The following SLC22A9 variants were observed in gnomAD, a reference collection of about 807,000 sequenced individuals.
SLC22A9 encodes solute carrier family 22 member 9.
SLC22A9 carries 64 observed loss-of-function variants against 50.1 expected under a neutral mutation model. That is an observed-to-expected ratio of 1.28 (90% CI 1.04 to 1.57). The LOEUF is 1.57. Among genes scored for constraint, SLC22A9 ranks in the 40% most tolerant of loss-of-function variants. The probability of loss-of-function intolerance (pLI) is 0.00; values close to 1 mark genes in which losing one functional copy is unlikely to be tolerated. For missense variants in SLC22A9, 757 were observed against 676.1 expected (o/e 1.12, Z -1.33); for synonymous variants, 261 against 242.5 (o/e 1.08, Z -0.71).
At position 63,382,243 on chromosome 11, in the gene SLC22A9, A is replaced by G. The variant is rs1420789266; in HGVS notation, c.1039A>G (p.Ile347Val). The stretch of plus-strand genomic sequence containing the variant: ...GTGTGAAATGCTCCACATGCCCAAC[A>G]TATGTAAAAGGATCTCCCTCCTGTC... The part of the protein sequence containing the change: ...SLCEMLHMPN[I>V]CKRISLLSFT... The change falls in exon 6 of 10, where the codon ATA becomes GTA. Residue 347 changes from isoleucine (I) to valine (V), a missense_variant. By Grantham distance (29) the Ile-to-Val change is conservative. Coordinates refer to ENST00000279178, the MANE Select transcript of SLC22A9 (RefSeq NM_080866.3). 6.2e-7 allele frequency: 1 copy of G among 1,609,362 alleles called. No homozygotes were observed. The highest frequency in any genetic ancestry group is 8.5e-7 in the Non-Finnish European group (1 of 1,178,662).
At chr11:63,381,000 T>C (rs1158157404) in intron 5 of SLC22A9, among the ~76,000 whole-genome samples, 3 of 152,266 alleles carry the variant, frequency 2.0e-5, no homozygotes, top group South Asian at 2.1e-4. Flanking sequence ...CAATTGAAGC[T>C]TGGTATGGAA....
At chr11:63,390,289 T>G (rs1268684212) in intron 6 of SLC22A9, among the ~76,000 whole-genome samples, 1 of 152,192 alleles carries the variant, frequency 6.6e-6, no homozygotes, top group Admixed American at 6.5e-5. Context: ...GGTTTTCTTC[T>G]AGGGTTTTTA....
rs111648002 is a variant in SLC22A9 at position 63,382,396 on chromosome 11, G to C, written c.1073+119G>C. The stretch of plus-strand genomic sequence containing the variant: ...TTTGCACATAAAAGATGAGAAAGCC[G>C]TAAAGAGAATTGCTGTGTTTGAATG... On this transcript the variant is annotated intron_variant, in intron 6 of 9. Coordinates refer to ENST00000279178, the MANE Select transcript of SLC22A9 (RefSeq NM_080866.3). 7.0e-4 allele frequency: 487 copies of C among 697,034 alleles called. 3 individuals carry two copies. Among genetic ancestry groups the C allele is most frequent in the African/African-American group, 5.5e-3 (307 of 55,778 alleles). The allele number at this position is 697,034 out of a possible 1,614,324, so 43.2% of individuals were successfully genotyped here.
intron 6 of SLC22A9, among the ~76,000 whole-genome samples, chr11:63,383,432 T>A (rs1295886272): frequency 3.9e-5 from 6 of 152,090 alleles, no homozygotes; most frequent in Non-Finnish European, 7.4e-5. Flanking sequence ...AACCAGTAGA[T>A]CTCTCTGATC....
At chr11:63,408,931 T>G in intron 9 of SLC22A9, 52 bp downstream of exon 9, 6 of 1,593,060 alleles carry the variant, frequency 3.8e-6, no homozygotes, top group Non-Finnish European at 5.2e-6. Context: ...TATAGGTCTG[T>G]GCTGAGGAAG....
Position 63,409,928 on chromosome 11 carries a change from A to T in SLC22A9, c.*66A>T. The T allele has an allele frequency of 1.3e-6, 2 of 1,557,244 alleles. No individual in the cohort carries two copies. The highest frequency in any genetic ancestry group is 1.1e-5 in the South Asian group (1 of 89,374). On this transcript the variant is annotated 3_prime_UTR_variant, in exon 10 of 10. Transcript: ENST00000279178. ...AGGGAACAATCAGGACTATTCCTAG[A>T]CACTAGCAAAATCTAGAAAATAAAT... is the stretch of plus-strand genomic sequence containing the variant.
At chr11:63,389,500 A>G (rs1377101268) in intron 6 of SLC22A9, among the ~76,000 whole-genome samples, 1 of 152,188 alleles carries the variant, frequency 6.6e-6, no homozygotes, top group Non-Finnish European at 1.5e-5. Flanking sequence ...GTCCCTGCAA[A>G]GAACATGAAC....
chr11:63,372,394 C>T (rs2014378134), intron 2 of SLC22A9, among the ~76,000 whole-genome samples: 1 of 151,936 alleles, frequency 6.6e-6, no homozygotes, highest in African/African-American at 2.4e-5. Context: ...ATTTTTACAG[C>T]AAAGGGAATG....
chr11:63,407,211 C>T (rs1226800296), intron 7 of SLC22A9, among the ~76,000 whole-genome samples: 1 of 152,142 alleles, frequency 6.6e-6, no homozygotes, highest in Non-Finnish European at 1.5e-5. Context: ...GGGGAGTCAT[C>T]TTGACTTCAA....
At position 63,370,202 on chromosome 11, in the gene SLC22A9, G is replaced by A. The variant is rs957504974; in HGVS notation, c.146G>A (p.Cys49Tyr). The change falls in exon 1 of 10, where the codon TGC becomes TAC. Residue 49 changes from cysteine (C) to tyrosine (Y), a missense_variant. By Grantham distance (194) the Cys-to-Tyr change is radical. Coordinates refer to ENST00000279178, the MANE Select transcript of SLC22A9 (RefSeq NM_080866.3). ...ACTGCATTCATACCTGGCCATCGCT[G>A]CTGGGTCCACATCCTGGACAATGAC... ...NFTAFIPGHR[C>Y]WVHILDNDTV... 1 of 1,614,018 alleles carries A rather than the reference G, an allele frequency of 6.2e-7. No individual in the cohort carries two copies. The highest frequency in any genetic ancestry group is 1.1e-5 in the South Asian group (1 of 91,074).
intron 6 of SLC22A9, among the ~76,000 whole-genome samples, chr11:63,401,411 A>G (rs2014950391): frequency 6.6e-6 from 1 of 152,058 alleles, no homozygotes; most frequent in East Asian, 1.9e-4. Flanking sequence ...ATTCGTTACA[A>G]AAAGTAAAAT....
Position 63,371,913 on chromosome 11 carries a change from C to T in SLC22A9, c.506+675C>T, listed in dbSNP as rs557737975. On this transcript the variant is annotated intron_variant, in intron 2 of 9. Transcript: ENST00000279178. ...CACCCAACCATGTCTCCCCTGATGGCGATGAGGGACTTGAAGTGCCACTTG... is the reference window on the plus strand; with the variant it reads ...CACCCAACCATGTCTCCCCTGATGGTGATGAGGGACTTGAAGTGCCACTTG... 4.6e-5 allele frequency among the ~76,000 whole-genome samples: 7 copies of T among 152,260 alleles called. No homozygotes were observed. The South Asian group carries it at 1.2e-3, about 27-fold the overall frequency.
At chr11:63,395,394 T>C (rs1565187599) in intron 6 of SLC22A9, among the ~76,000 whole-genome samples, 1 of 152,082 alleles carries the variant, frequency 6.6e-6, no homozygotes, top group Admixed American at 6.6e-5. Context: ...GTTGTTCAGG[T>C]TATTTTGTCC....
intron 6 of SLC22A9, among the ~76,000 whole-genome samples, chr11:63,399,329 C>T (rs1181875054): frequency 1.3e-5 from 2 of 152,070 alleles, no homozygotes; most frequent in Admixed American, 6.6e-5. Flanking sequence ...TAAAATTACA[C>T]CTGCACTAGA....
At chr11:63,400,264 T>G (rs969829894) in intron 6 of SLC22A9, among the ~76,000 whole-genome samples, 3 of 151,966 alleles carry the variant, frequency 2.0e-5, no homozygotes, top group African/African-American at 7.2e-5. Context: ...CAAGGCTTTA[T>G]GCAAACTAAG....
chr11:63,377,763 T>C (rs889915890), intron 5 of SLC22A9, among the ~76,000 whole-genome samples: 2 of 151,628 alleles, frequency 1.3e-5, no homozygotes, highest in Non-Finnish European at 3.0e-5. Context: ...AAACCAAAGA[T>C]TGGTAATTTG....
chr11:63,407,460 T>C (rs2015059601), intron 7 of SLC22A9, among the ~76,000 whole-genome samples: 1 of 152,174 alleles, frequency 6.6e-6, no homozygotes, highest in African/African-American at 2.4e-5. Context: ...CCAAGTGTGC[T>C]ACAAAGCAAC....
intron 6 of SLC22A9, among the ~76,000 whole-genome samples, chr11:63,390,242 T>TCCTTGC (rs2014740255): frequency 6.6e-6 from 1 of 152,220 alleles, no homozygotes; most frequent in Non-Finnish European, 1.5e-5. Context: ...AGTCATGAAG[T>TCCTTGC]CCTTGCCCAT....
rs146831735 is a variant in SLC22A9 at position 63,408,289 on chromosome 11, G to A, written c.1397+69G>A. ...TTCTCAGATAATTGACACTTTTTGC[G>A]GGAAGAAATCTAAGACTGGTTCATT... On this transcript the variant is annotated intron_variant, in intron 8 of 9. Transcript: ENST00000279178. 202 of 1,246,990 alleles carry A rather than the reference G, an allele frequency of 1.6e-4. 1 individual carries two copies. The African/African-American group carries it at 2.1e-3, about 13-fold the overall frequency. 77.2% of individuals were successfully genotyped at this position (1,246,990 alleles called of 1,614,324 possible).
Sources: gnomAD v4.1 joint callset for allele counts (sites outside exome capture counted in the v4.1 genomes callset) on GRCh38, gnomAD v4.1.1 for gene constraint, MANE v1.5 for transcripts, NCBI Gene and HGNC (gene_info 2026-07-23, HGNC 2026-07-21) for gene names.